PEMT: variants seen among roughly 807,000 people sequenced by gnomAD.
PEMT encodes the protein phospholipid methyltransferase.
PEMT carries 23 observed loss-of-function variants against 27.4 expected under a neutral mutation model. The ratio of observed to expected loss-of-function variants is 0.84; its 90% confidence interval spans 0.60 to 1.19. The LOEUF is 1.19. PEMT is among the 50% of genes most tolerant of loss of function. PEMT has a pLI of 0.00. For missense variants in PEMT, 307 were observed against 310.1 expected, an observed-to-expected ratio of 0.99 and a Z score of 0.07; for synonymous variants, 137 against 139.1, an observed-to-expected ratio of 0.98 and a Z score of 0.11.
intron 2 of PEMT, among the ~76,000 whole-genome samples, chr17:17,573,519 A>C (rs1055150605): frequency 2.0e-5 from 3 of 152,112 alleles, no homozygotes; most frequent in Non-Finnish European, 4.4e-5. Flanking sequence ...AAAAGTAATA[A>C]CATAAAAAAT....
intron 1 of PEMT, among the ~76,000 whole-genome samples, chr17:17,589,272 A>ATTTTT (rs573309051): frequency 7.2e-6 from 1 of 138,498 alleles, no homozygotes. Context: ...CCAACAGCTG[A>ATTTTT]TTTTTTTTTT....
In PEMT at chr17:17,582,170, C is replaced by T. The variant is rs185773738; in HGVS notation, c.97-5143G>A. On this transcript the variant is annotated intron_variant, in intron 1 of 6. Coordinates refer to ENST00000255389, the MANE Select transcript of PEMT (RefSeq NM_148172.3). This position sits in a 1 kb window ranked among gnomAD's most constrained non-coding sequence, Gnocchi z 4.9. The stretch of plus-strand genomic sequence containing the variant: ...AACCTCCTTCATACAACAGAGGTCC[C>T]GGCTTTCTGCTACCCAGTAATTCTA... 3.0e-5 allele frequency: 22 copies of T among 723,348 alleles called. No homozygotes were observed. Among genetic ancestry groups the T allele is most frequent in the African/African-American group, 2.3e-4 (12 of 52,188 alleles). The allele number at this position is 723,348 out of a possible 1,614,324, so 44.8% of individuals were successfully genotyped here.
intron 3 of PEMT, 118 bp downstream of exon 3, chr17:17,522,162 G>A: frequency 4.1e-6 from 3 of 722,958 alleles, no homozygotes; most frequent in South Asian, 1.7e-5. Context: ...GGCTTTGAGA[G>A]CTAACCCCTG....
intron 2 of PEMT, among the ~76,000 whole-genome samples, chr17:17,574,405 C>T (rs1315356909): frequency 4.7e-5 from 7 of 150,494 alleles, no homozygotes; most frequent in African/African-American, 1.5e-4. Flanking sequence ...CTGCAACCTC[C>T]GCCTCCTGGG....
At position 17,561,849 on chromosome 17, in the gene PEMT, G is replaced by A. The variant is rs559758197; in HGVS notation, c.204+15071C>T. The stretch of plus-strand genomic sequence containing the variant: ...TGGCTACCTCACGCGGACGCCCCAC[G>A]TGCGGCCTGACCCACAGGAAGTCCA... On this transcript the variant is annotated intron_variant, in intron 2 of 6. Transcript: ENST00000255389. The surrounding 1 kb of genome is among the most constrained non-coding windows in gnomAD (Gnocchi z 4.5). Among the ~76,000 whole-genome samples the A allele has an allele frequency of 3.9e-5, 6 of 152,330 alleles. No homozygotes were observed. Among genetic ancestry groups the A allele is most frequent in the South Asian group, 2.1e-4 (1 of 4,830 alleles).
rs1393653387 is a variant in PEMT at position 17,505,765 on chromosome 17, C to A, written c.*26G>T. ...GGGGCAGGCCAGGAGGCTGGCCAGG[C>A]CTTCAGCAAAGCTGTTGCAGCTCAA... On this transcript the variant is annotated 3_prime_UTR_variant, in exon 7 of 7. Coordinates refer to ENST00000255389, the MANE Select transcript of PEMT (RefSeq NM_148172.3). The A allele has an allele frequency of 1.9e-6, 3 of 1,599,470 alleles. No homozygotes were observed. The highest frequency in any genetic ancestry group is 1.1e-5 in the South Asian group (1 of 88,704).
intron 1 of PEMT, among the ~76,000 whole-genome samples, chr17:17,586,609 T>G (rs1168252038): frequency 6.6e-6 from 1 of 152,120 alleles, no homozygotes; most frequent in Non-Finnish European, 1.5e-5. Flanking sequence ...AAAATGAGAA[T>G]AGAACACATG....
At chr17:17,531,320 G>A (rs190884970) in intron 2 of PEMT, among the ~76,000 whole-genome samples, 5 of 150,122 alleles carry the variant, frequency 3.3e-5, no homozygotes, top group Admixed American at 6.6e-5. Context: ...GGACACTAAC[G>A]CATTATTCTG....
chr17:17,531,336 G>T (rs986807409), intron 2 of PEMT, among the ~76,000 whole-genome samples: 7 of 149,698 alleles, frequency 4.7e-5, no homozygotes, highest in Non-Finnish European at 7.4e-5. Context: ...TTCTGAAATG[G>T]TTTTTTTTTT....
intron 2 of PEMT, among the ~76,000 whole-genome samples, chr17:17,557,950 G>C (rs923446210): frequency 7.9e-5 from 12 of 152,324 alleles, no homozygotes; most frequent in African/African-American, 2.9e-4. Context: ...AACCATGCTT[G>C]GCTGGCTGGG....
At chr17:17,587,818 A>G (rs993029380) in intron 1 of PEMT, among the ~76,000 whole-genome samples, 2 of 152,140 alleles carry the variant, frequency 1.3e-5, no homozygotes, top group Non-Finnish European at 2.9e-5. Context: ...GGAGGTTGCA[A>G]TGAGCTGGTA....
chr17:17,509,912 C>T (rs1407348070), intron 4 of PEMT, among the ~76,000 whole-genome samples: 1 of 152,158 alleles, frequency 6.6e-6, no homozygotes, highest in South Asian at 2.1e-4. Context: ...TCCTCAGGCC[C>T]TTCGCCCTCT....
chr17:17,547,101 C>T (rs142843855), intron 2 of PEMT, among the ~76,000 whole-genome samples: 121 of 152,390 alleles, frequency 7.9e-4, no homozygotes, highest in Non-Finnish European at 1.5e-3. Context: ...TTAGCAGCTC[C>T]GCTGTTACTG....
chr17:17,516,246 T>A (rs993944074), intron 3 of PEMT, among the ~76,000 whole-genome samples: 1 of 152,170 alleles, frequency 6.6e-6, no homozygotes, highest in African/African-American at 2.4e-5. Context: ...ATGAGTCGTC[T>A]GATGGGCTCA....
intron 2 of PEMT, among the ~76,000 whole-genome samples, chr17:17,536,204 A>G (rs1244319598): frequency 6.6e-6 from 1 of 152,208 alleles, no homozygotes; most frequent in Non-Finnish European, 1.5e-5. Flanking sequence ...TTCAATCTGC[A>G]TGCCAGCCCC....
At chr17:17,575,461 C>A (rs35104205) in intron 2 of PEMT, among the ~76,000 whole-genome samples, 57,104 of 152,140 alleles carry the variant, frequency 0.38, 11,295 homozygotes, top group Middle Eastern at 0.47. Context: ...CCTCACCCTT[C>A]ACCACCTCAT....
chr17:17,513,690 G>C lies in PEMT; in HGVS notation c.321-1036C>G, dbSNP rs1262033606. On this transcript the variant is annotated intron_variant, in intron 3 of 6. Transcript: ENST00000255389. The surrounding 1 kb of genome is among the most constrained non-coding windows in gnomAD (Gnocchi z 4.1). ...TCTCCAGTTGGCTCCGGAGAACTGA[G>C]GGGCTGGTGCAGGGAGGGCACAGGG... 6.6e-6 allele frequency among the ~76,000 whole-genome samples: 1 copy of C among 152,188 alleles called. No homozygotes were observed. The highest frequency in any genetic ancestry group is 1.5e-5 in the Non-Finnish European group (1 of 68,028).
At chr17:17,533,738 T>C (rs1352998553) in intron 2 of PEMT, among the ~76,000 whole-genome samples, 1 of 151,572 alleles carries the variant, frequency 6.6e-6, no homozygotes, top group East Asian at 1.9e-4. Context: ...GTCTCTCTTT[T>C]TTTTTTTTTT....
At chr17:17,563,968 G>C (rs8065788) in intron 2 of PEMT, among the ~76,000 whole-genome samples, 10,061 of 152,220 alleles carry the variant, frequency 0.066, 865 homozygotes, top group African/African-American at 0.19. Context: ...GCTGTGGCCT[G>C]GGCAGCTTTA....
Sources: gnomAD v4.1 joint callset for allele counts (sites outside exome capture counted in the v4.1 genomes callset) on GRCh38, gnomAD v4.1.1 for gene constraint, Gnocchi (gnomAD v3.1) non-coding constraint, MANE v1.5 for transcripts, NCBI Gene and HGNC (gene_info 2026-07-23, HGNC 2026-07-21) for gene names.